Variants in AP5Z1 observed in about 807,000 individuals in gnomAD.
AP5Z1 encodes the protein AP-5 complex subunit zeta-1.
Under a neutral mutation model 83.0 loss-of-function variants are expected in AP5Z1, and 106 were observed. The observed-to-expected ratio is 1.28, with a 90% CI of 1.09 to 1.50. The LOEUF is 1.50. Among genes scored for constraint, AP5Z1 ranks in the 40% most tolerant of loss-of-function variants. AP5Z1 has a pLI of 0.00. For synonymous variants in AP5Z1, 751 were observed against 514.1 expected (o/e 1.46, Z -6.23); for missense variants, 1,565 against 1,094.2 (o/e 1.43, Z -6.07).
At position 4,784,259 on chromosome 7, in the gene AP5Z1, C is replaced by T. The variant is rs771296028; in HGVS notation, c.678C>T (p.Leu226=). The stretch of plus-strand genomic sequence containing the variant: ...TAGCCACAGACTTCTTCACGGTGCT[C>T]TCCAGCGGCCACCGCTTCACAGACG... ...GAVATDFFTV[L]SSGHRFTDDQ... Residue 226 remains leucine (L), a synonymous_variant, in exon 6 of 17, where the codon CTC becomes CTT. Transcript: ENST00000649063. 3 of 1,597,724 alleles carry T rather than the reference C, an allele frequency of 1.9e-6. No homozygotes were observed. Among genetic ancestry groups the T allele is most frequent in the African/African-American group, 1.3e-5 (1 of 74,750 alleles).
Position 4,785,588 on chromosome 7 carries a change from A to T in AP5Z1, c.1036A>T (p.Ser346Cys). 6.2e-7 allele frequency: 1 copy of T among 1,603,900 alleles called. No homozygotes were observed. The highest frequency in any genetic ancestry group is 1.1e-5 in the South Asian group (1 of 89,656). ...CRQDPSFLYR[S>C]LSCLKALHGR... ...GCAGGACCCGTCCTTCCTGTACCGAAGTCTCTCCTGCCTGAAGGCCCTGCA... is the reference window on the plus strand; with the variant it reads ...GCAGGACCCGTCCTTCCTGTACCGATGTCTCTCCTGCCTGAAGGCCCTGCA... Residue 346 changes from serine (S) to cysteine (C), a missense_variant, in exon 9 of 17, where the codon AGT (serine) becomes TGT (cysteine). Ser to Cys is a moderately radical substitution (Grantham distance 112). Transcript: ENST00000649063.
chr7:4,790,438 T>G (rs564305831), intron 14 of AP5Z1, 21 bp from the exon 15 acceptor site: 9 of 1,612,876 alleles, frequency 5.6e-6, no homozygotes, highest in Non-Finnish European at 7.6e-6. Context: ...AGAGCAGGCG[T>G]AGACCCGGCT....
intron 12 of AP5Z1, 86 bp from the exon 13 acceptor site, chr7:4,788,754 C>A: frequency 8.3e-7 from 1 of 1,200,838 alleles, no homozygotes; most frequent in Non-Finnish European, 1.2e-6. Context: ...CTCAGCTGTG[C>A]GAGAGGGAGC....
intron 14 of AP5Z1, 68 bp downstream of exon 14, chr7:4,789,997 T>TCCCCCCCCCCCCC: frequency 2.6e-6 from 1 of 385,904 alleles, no homozygotes; most frequent in Non-Finnish European, 3.2e-6. Flanking sequence ...CCCTCTCCCC[T>TCCCCCCCCCCCCC]CCCCCCTCCC....
rs1260116158 is a variant in AP5Z1 at position 4,794,148 on chromosome 7, A to C, written c.*2763A>C. The C allele has an allele frequency of 1.3e-5, 2 of 152,248 alleles. No homozygotes were observed. Among genetic ancestry groups the C allele is most frequent in the Non-Finnish European group, 2.9e-5 (2 of 68,138 alleles). 9.4% of individuals were successfully genotyped at this position (152,248 alleles called of 1,614,324 possible). A position where few individuals can be genotyped will look rare whatever the true frequency, so the allele number is the denominator to read the frequency against. The stretch of plus-strand genomic sequence containing the variant: ...TGGGGACTTGGAAAACCTTTTTGTC[A>C]ACACTCTGTATCTAGTTAATCTGGT... On this transcript the variant is annotated 3_prime_UTR_variant, in exon 17 of 17. Coordinates refer to ENST00000649063, the MANE Select transcript of AP5Z1 (RefSeq NM_014855.3).
At chr7:4,779,238 A>G (rs115720680) in intron 1 of AP5Z1, among the ~76,000 whole-genome samples, 15,028 of 146,734 alleles carry the variant, frequency 0.1, 1,385 homozygotes, top group African/African-American at 0.25. Flanking sequence ...TAGATATAAC[A>G]TATATAACAT....
At position 4,789,845 on chromosome 7, in the gene AP5Z1, C is replaced by A. The variant is rs1456543888; in HGVS notation, c.1721C>A (p.Ser574Tyr). 6.4e-7 allele frequency: 1 copy of A among 1,552,110 alleles called. No homozygotes were observed. Among genetic ancestry groups the A allele is most frequent in the Non-Finnish European group, 8.7e-7 (1 of 1,147,912 alleles). ...FSAVTQVADGSLINQLALLLL... is the reference protein window; with the variant it reads ...FSAVTQVADGYLINQLALLLL... ...CCTGACCCCCAGGTGGCTGACGGGT[C>A]CCTGATCAACCAGCTGGCGCTGCTG... The change falls in exon 14 of 17, where the codon TCC (serine) becomes TAC (tyrosine). Residue 574 changes from serine to tyrosine, a missense_variant. By Grantham distance (144) the Ser-to-Tyr change is moderately radical. Coordinates refer to ENST00000649063, the MANE Select transcript of AP5Z1 (RefSeq NM_014855.3).
At chr7:4,789,705 G>T in intron 13 of AP5Z1, 127 bp from the exon 14 acceptor site, 1 of 647,914 alleles carries the variant, frequency 1.5e-6, no homozygotes, top group Non-Finnish European at 2.6e-6. Context: ...CTGGGTGTTG[G>T]GGAAGGCAGT....
intron 7 of AP5Z1, among the ~76,000 whole-genome samples, 181 bp downstream of exon 7, chr7:4,785,229 C>T (rs1157822813): frequency 2.0e-5 from 3 of 152,162 alleles, no homozygotes; most frequent in African/African-American, 7.2e-5. Context: ...TCAGGCTCCA[C>T]CCCAGCCCCC....
intron 1 of AP5Z1, among the ~76,000 whole-genome samples, chr7:4,780,502 C>G (rs530412791): frequency 7.9e-5 from 12 of 152,026 alleles, no homozygotes; most frequent in Non-Finnish European, 1.6e-4. Flanking sequence ...CGGTGGCTCA[C>G]GCCTGTAATC....
chr7:4,778,748 CAT>C (rs1426498941), intron 1 of AP5Z1, among the ~76,000 whole-genome samples: 1 of 144,296 alleles, frequency 6.9e-6, no homozygotes, highest in African/African-American at 2.6e-5. Flanking sequence ...TTATATATAA[CAT>C]TTTATATATT....
intron 10 of AP5Z1, among the ~76,000 whole-genome samples, chr7:4,786,858 C>G (rs55682837): frequency 6.6e-6 from 1 of 152,134 alleles, no homozygotes; most frequent in Non-Finnish European, 1.5e-5. Context: ...GCAACCCCCG[C>G]CTCCTGGGTT....
rs370469975 is a variant in AP5Z1, at chr7:4,785,572, G to A, written c.1020G>A (p.Pro340=). Residue 340 remains proline (P), a synonymous_variant, in exon 9 of 17, where the codon CCG becomes CCA. Coordinates refer to ENST00000649063, the MANE Select transcript of AP5Z1 (RefSeq NM_014855.3). ...TGGACGTGCTGTGCCGGCAGGACCC[G>A]TCCTTCCTGTACCGAAGTCTCTCCT... is the stretch of plus-strand genomic sequence containing the variant. ...LVLDVLCRQD[P]SFLYRSLSCL... 10 of 1,608,168 alleles carry A rather than the reference G, an allele frequency of 6.2e-6. No homozygotes were observed. The highest frequency in any genetic ancestry group is 2.2e-5 in the South Asian group (2 of 90,170).
At position 4,788,922 on chromosome 7, in the gene AP5Z1, C is replaced by T. The variant is rs752422995; in HGVS notation, c.1678C>T (p.Leu560=). 1.2e-6 allele frequency: 2 copies of T among 1,611,500 alleles called. No homozygotes were observed. Among genetic ancestry groups the T allele is most frequent in the Non-Finnish European group, 1.7e-6 (2 of 1,179,488 alleles). The change falls in exon 13 of 17, where the codon CTG becomes TTG. Residue 560 remains leucine (L), a synonymous_variant. Coordinates refer to ENST00000649063, the MANE Select transcript of AP5Z1 (RefSeq NM_014855.3). The stretch of plus-strand genomic sequence containing the variant: ...GTGTGCCCAGGCCGTGCCCACGCTG[C>T]TGCAGGCATTCTTCTCAGCAGTGAC... ...AQCAQAVPTL[L]QAFFSAVTQV...
chr7:4,789,516 C>T (rs1277495248), intron 13 of AP5Z1, among the ~76,000 whole-genome samples: 2 of 152,236 alleles, frequency 1.3e-5, no homozygotes, highest in African/African-American at 2.4e-5. Flanking sequence ...GGGAGGCCGG[C>T]AGGGGGCTGG....
chr7:4,787,872 A>AC, intron 11 of AP5Z1, 96 bp downstream of exon 11: 1 of 1,387,224 alleles, frequency 7.2e-7, no homozygotes, highest in Non-Finnish European at 9.6e-7. Context: ...TACACCGGGG[A>AC]CCCTCCTTCT....
intron 3 of AP5Z1, among the ~76,000 whole-genome samples, chr7:4,782,034 C>G (rs753477661): frequency 1.1e-4 from 16 of 152,128 alleles, no homozygotes; most frequent in Non-Finnish European, 1.9e-4. Context: ...GGCTGGGCCT[C>G]CAGACCTTCT....
At chr7:4,785,352 GC>G in intron 7 of AP5Z1, 62 bp from the exon 8 acceptor site, 1 of 1,574,434 alleles carries the variant, frequency 6.4e-7, no homozygotes, top group Non-Finnish European at 8.6e-7. Context: ...AGCACAAGCT[GC>G]CCCCTCATTG....
At chr7:4,777,196 T>C (rs192666837) in intron 1 of AP5Z1, among the ~76,000 whole-genome samples, 5 of 152,146 alleles carry the variant, frequency 3.3e-5, no homozygotes, top group Admixed American at 6.5e-5. Context: ...GTGGGGACTA[T>C]ATGAAAATGA....
Sources: gnomAD v4.1 joint callset for allele counts (sites outside exome capture counted in the v4.1 genomes callset) on GRCh38, gnomAD v4.1.1 for gene constraint, MANE v1.5 for transcripts, NCBI Gene and HGNC (gene_info 2026-07-23, HGNC 2026-07-21) for gene names.